USP48: variants seen among roughly 807,000 people sequenced by gnomAD.
The protein encoded by USP48 is ubiquitin carboxyl-terminal hydrolase 48.
In USP48, 43 loss-of-function variants were observed where a neutral mutation model predicts 150.7. That is an observed-to-expected ratio of 0.29 (90% CI 0.22 to 0.37). The LOEUF (loss-of-function observed/expected upper bound fraction) is 0.37, where lower values mean the gene tolerates loss of function less well. Among genes scored for constraint, USP48 ranks in the 10% least tolerant of loss-of-function variants. USP48 has a pLI of 1.00. For synonymous variants in USP48, 396 were observed against 425.9 expected, an observed-to-expected ratio of 0.93 and a Z score of 0.86; for missense variants, 813 against 1,249.6, an observed-to-expected ratio of 0.65 and a Z score of 5.27.
intron 1 of USP48, among the ~76,000 whole-genome samples, chr1:21,765,061 G>A (rs776622165): frequency 5.9e-5 from 9 of 152,150 alleles, no homozygotes; most frequent in Non-Finnish European, 1.2e-4. Flanking sequence ...TCTCAAAAAT[G>A]TTAAATGACA....
At chr1:21,743,127 C>T (rs1347738406) in intron 8 of USP48, among the ~76,000 whole-genome samples, 1 of 151,886 alleles carries the variant, frequency 6.6e-6, no homozygotes, top group African/African-American at 2.4e-5. Flanking sequence ...TTTTGTGGCT[C>T]TATTGACCCT....
chr1:21,715,522 G>T, intron 14 of USP48, 65 bp from the exon 15 acceptor site: 2 of 1,021,820 alleles, frequency 2.0e-6, no homozygotes, highest in Non-Finnish European at 3.0e-6. Flanking sequence ...GAAAGTAGCA[G>T]ATATACTACT....
chr1:21,782,950 G>T lies in USP48; in HGVS notation c.8C>A (p.Pro3Gln). 1.3e-6 allele frequency: 2 copies of T among 1,544,390 alleles called. No homozygotes were observed. The highest frequency in any genetic ancestry group is 1.7e-6 in the Non-Finnish European group (2 of 1,147,588). Residue 3 changes from proline (P) to glutamine (Q), a missense_variant, in exon 1 of 27, where the codon CCG (proline) becomes CAG (glutamine). Transcript: ENST00000308271. The part of the protein sequence containing the change: MA[P>Q]RLQLEKAAWR... ...GGCCGCCTTCTCCAGCTGCAGCCGC[G>T]GGGCCATGGCCTTGGCCCCAGGAAC...
At chr1:21,740,913 C>G (rs1277271051) in intron 8 of USP48, among the ~76,000 whole-genome samples, 1 of 152,078 alleles carries the variant, frequency 6.6e-6, no homozygotes, top group Non-Finnish European at 1.5e-5. Flanking sequence ...TCAGGTTGAC[C>G]TGAACAGAGA....
intron 1 of USP48, among the ~76,000 whole-genome samples, chr1:21,779,458 A>G (rs887431019): frequency 6.6e-6 from 1 of 151,976 alleles, no homozygotes; most frequent in Non-Finnish European, 1.5e-5. Flanking sequence ...AGGCACAAGA[A>G]TCGCTTGAAC....
chr1:21,725,094 T>C (rs973911827), intron 11 of USP48: 5 of 152,060 alleles, frequency 3.3e-5, no homozygotes, highest in African/African-American at 1.2e-4. Context: ...ACTCCCATTT[T>C]AATTTTACAG....
In USP48 at chr1:21,751,583, A is replaced by G. The variant is rs1431821494; in HGVS notation, c.698T>C (p.Leu233Ser). Residue 233 changes from leucine (L) to serine (S), a missense_variant, in exon 6 of 27, where the codon TTG (leucine) becomes TCG (serine). Transcript: ENST00000308271. ...CNQCGRESKL[L>S]SKFYELELNI... ...TAACTCCAGCTCATAAAATTTTGAC[A>G]AAAGCTTAGACTCTCTGCCACACTG... is the stretch of plus-strand genomic sequence containing the variant. The G allele has an allele frequency of 6.2e-7, 1 of 1,613,902 alleles. No homozygotes were observed. Among genetic ancestry groups the G allele is most frequent in the Non-Finnish European group, 8.5e-7 (1 of 1,179,976 alleles).
rs762003345 is a variant in USP48 at position 21,748,208 on chromosome 1, T to C, written c.838A>G (p.Thr280Ala). Residue 280 changes from threonine to alanine, a missense_variant, in exon 7 of 27, where the codon ACA becomes GCA. Thr to Ala is a moderately conservative substitution (Grantham distance 58). Transcript: ENST00000308271. ...CENCQSKQNA[T>A]RKIRLLSLPC... ...AGGCTAAGAAGTCGAATCTTTCTTG[T>C]TGCATTCTGTTTGCTTTGACAGTTC... 1.9e-6 allele frequency: 3 copies of C among 1,614,016 alleles called. No individual in the cohort carries two copies. The highest frequency in any genetic ancestry group is 2.5e-6 in the Non-Finnish European group (3 of 1,179,976).
chr1:21,763,427 A>G (rs2097854597), intron 1 of USP48, among the ~76,000 whole-genome samples: 1 of 152,182 alleles, frequency 6.6e-6, no homozygotes, highest in Non-Finnish European at 1.5e-5. Flanking sequence ...CTAAACTTCT[A>G]AATTGTTGCT....
intron 8 of USP48, among the ~76,000 whole-genome samples, chr1:21,739,052 T>C (rs770692969): frequency 9.9e-5 from 15 of 152,168 alleles, no homozygotes; most frequent in Non-Finnish European, 1.6e-4. Context: ...CAATAAGCCA[T>C]GTAGTAAGGA....
intron 25 of USP48, among the ~76,000 whole-genome samples, chr1:21,685,069 G>A (rs2097577111): frequency 6.6e-6 from 1 of 152,064 alleles, no homozygotes; most frequent in South Asian, 2.1e-4. Context: ...TTCTATTTCT[G>A]TGAGGAATGT....
intron 22 of USP48, among the ~76,000 whole-genome samples, chr1:21,699,038 T>C (rs1326217616): frequency 1.3e-5 from 2 of 152,014 alleles, no homozygotes; most frequent in Non-Finnish European, 2.9e-5. Context: ...TACACCCAAA[T>C]GCATGTACAT....
intron 1 of USP48, among the ~76,000 whole-genome samples, chr1:21,759,454 AAC>A (rs1020173003): frequency 1.3e-5 from 2 of 152,170 alleles, no homozygotes; most frequent in African/African-American, 4.8e-5. Context: ...ATAATTCTGA[AAC>A]ACAGATCCTG....
chr1:21,702,202 T>C (rs1282933970), intron 21 of USP48, among the ~76,000 whole-genome samples: 3 of 152,172 alleles, frequency 2.0e-5, no homozygotes, highest in Non-Finnish European at 4.4e-5. Context: ...ATGAAGGCCT[T>C]AGTTTATTTA....
In USP48 at chr1:21,743,014, A is replaced by C. The variant is rs189196445; in HGVS notation, c.991+4053T>G. Reference sequence around the variant, plus strand: ...TTTTTAACGTTTAAAGTGGTTTAAAAATTTTTTTTTAATATTCTGGATACC... The same window carrying C: ...TTTTTAACGTTTAAAGTGGTTTAAACATTTTTTTTTAATATTCTGGATACC... On this transcript the variant is annotated intron_variant, in intron 8 of 26. Coordinates refer to ENST00000308271, the MANE Select transcript of USP48 (RefSeq NM_032236.8). Among the ~76,000 whole-genome samples, 1,358 of 152,254 alleles carry C rather than the reference A, an allele frequency of 8.9e-3. 20 individuals are homozygous for C. Among genetic ancestry groups the C allele is most frequent in the African/African-American group, 0.031 (1,284 of 41,522 alleles).
At chr1:21,724,124 A>C in intron 11 of USP48, 29 bp from the exon 12 acceptor site, 1 of 1,605,570 alleles carries the variant, frequency 6.2e-7, no homozygotes, top group African/African-American at 1.3e-5. Flanking sequence ...GAAAGAGCCT[A>C]TGTATTTTTA....
chr1:21,778,285 A>G (rs991181100), intron 1 of USP48, among the ~76,000 whole-genome samples: 2 of 152,210 alleles, frequency 1.3e-5, no homozygotes, highest in African/African-American at 2.4e-5. Context: ...ACACAAAAAG[A>G]TGTTTAACGT....
chr1:21,730,539 C>T (rs575060171), intron 9 of USP48, among the ~76,000 whole-genome samples: 3 of 151,660 alleles, frequency 2.0e-5, no homozygotes, highest in African/African-American at 7.2e-5. Context: ...TCTAAAAACA[C>T]AAAAATTAGT....
chr1:21,745,496 C>T (rs913887055), intron 8 of USP48, among the ~76,000 whole-genome samples: 2 of 151,994 alleles, frequency 1.3e-5, no homozygotes, highest in South Asian at 4.2e-4. Flanking sequence ...AGGCTGAGTC[C>T]GTGATGAGCC....
Sources: allele counts gnomAD v4.1 joint callset (sites outside exome capture counted in the v4.1 genomes callset), GRCh38; gene constraint gnomAD v4.1.1; transcripts MANE v1.5; gene names NCBI Gene and HGNC (gene_info 2026-07-23, HGNC 2026-07-21).